PDZRN3: variants seen among roughly 807,000 people sequenced by gnomAD.
PDZRN3 encodes PDZ domain containing ring finger 3.
In PDZRN3, 38 loss-of-function variants were observed where a neutral mutation model predicts 85.7. The observed-to-expected ratio is 0.44, with a 90% CI of 0.34 to 0.58. The LOEUF is 0.58. Among genes scored for constraint, PDZRN3 ranks in the 20% least tolerant of loss-of-function variants. The probability of loss-of-function intolerance (pLI) is 0.01; values close to 1 mark genes in which losing one functional copy is unlikely to be tolerated. For synonymous variants in PDZRN3, 759 were observed against 638.0 expected (o/e 1.19, Z -2.86); for missense variants, 1,629 against 1,506.4 (o/e 1.08, Z -1.35).
chr3:73,496,686 ATAGT>A (rs1234063478), intron 3 of PDZRN3, among the ~76,000 whole-genome samples: 1 of 152,170 alleles, frequency 6.6e-6, no homozygotes, highest in Non-Finnish European at 1.5e-5. Context: ...AAGTCCTTTT[ATAGT>A]TAGTAATAAA....
chr3:73,618,006 T>C (rs940327394), intron 1 of PDZRN3, among the ~76,000 whole-genome samples: 2 of 152,194 alleles, frequency 1.3e-5, no homozygotes, highest in Non-Finnish European at 2.9e-5. Flanking sequence ...ATGCCCAGCC[T>C]AAATCTCTTT....
At chr3:73,438,125 G>A (rs1461175124) in intron 3 of PDZRN3, among the ~76,000 whole-genome samples, 3 of 152,176 alleles carry the variant, frequency 2.0e-5, no homozygotes, top group Non-Finnish European at 2.9e-5. Flanking sequence ...TGCACCATCA[G>A]ACGCCTGCCT....
At chr3:73,599,494 T>C (rs1037169033) in intron 3 of PDZRN3, among the ~76,000 whole-genome samples, 30 of 152,196 alleles carry the variant, frequency 2.0e-4, no homozygotes, top group South Asian at 2.1e-4. Flanking sequence ...GTTCTGGAGA[T>C]GGATGGTGGT....
chr3:73,492,416 G>C (rs1703788764), intron 3 of PDZRN3, among the ~76,000 whole-genome samples: 1 of 152,132 alleles, frequency 6.6e-6, no homozygotes, highest in Non-Finnish European at 1.5e-5. Flanking sequence ...GCCCTAGGGG[G>C]CATTTGAATT....
chr3:73,385,809 A>G (rs1701367918), intron 8 of PDZRN3, 24 bp from the exon 9 acceptor site: 1 of 1,293,260 alleles, frequency 7.7e-7, no homozygotes, highest in Non-Finnish European at 1.1e-6. Flanking sequence ...CAGCCAACAC[A>G]TGCCTTAGAA....
At chr3:73,450,063 C>T (rs1018537509) in intron 3 of PDZRN3, among the ~76,000 whole-genome samples, 2 of 152,186 alleles carry the variant, frequency 1.3e-5, no homozygotes, top group Non-Finnish European at 2.9e-5. Flanking sequence ...TCTCAGTTCT[C>T]TTTTTATTAA....
intron 3 of PDZRN3, among the ~76,000 whole-genome samples, chr3:73,432,456 T>C (rs1432319603): frequency 6.6e-6 from 1 of 152,142 alleles, no homozygotes; most frequent in African/African-American, 2.4e-5. Context: ...CTAAGGAGAG[T>C]AGCAAGCCTC....
At chr3:73,623,148 ATT>A (rs2106923878) in intron 1 of PDZRN3, among the ~76,000 whole-genome samples, 1 of 152,286 alleles carries the variant, frequency 6.6e-6, no homozygotes, top group African/African-American at 2.4e-5. Context: ...GTTAAAAATA[ATT>A]CTAGGTAACA....
intron 3 of PDZRN3, among the ~76,000 whole-genome samples, chr3:73,490,968 C>A (rs1041394803): frequency 1.3e-5 from 2 of 152,174 alleles, no homozygotes; most frequent in African/African-American, 4.8e-5. Context: ...GTTGAAACTG[C>A]AATATCAGGA....
At chr3:73,609,928 G>A (rs974867447) in intron 1 of PDZRN3, among the ~76,000 whole-genome samples, 1 of 152,126 alleles carries the variant, frequency 6.6e-6, no homozygotes, top group African/African-American at 2.4e-5. Context: ...GTGCAACTCT[G>A]GTTTCACATT....
At chr3:73,423,291 A>G (rs1007702580) in intron 3 of PDZRN3, among the ~76,000 whole-genome samples, 2 of 152,218 alleles carry the variant, frequency 1.3e-5, no homozygotes, top group African/African-American at 4.8e-5. Flanking sequence ...TGTCACTTCT[A>G]ATGTTATGTG....
intron 3 of PDZRN3, among the ~76,000 whole-genome samples, chr3:73,518,056 C>T (rs1447829387): frequency 6.6e-6 from 1 of 152,164 alleles, no homozygotes; most frequent in Non-Finnish European, 1.5e-5. Flanking sequence ...TATTTGGATG[C>T]CCACATTCAT....
chr3:73,449,801 C>T (rs1384048501), intron 3 of PDZRN3, among the ~76,000 whole-genome samples: 1 of 152,172 alleles, frequency 6.6e-6, no homozygotes, highest in African/African-American at 2.4e-5. Context: ...TATTGCCTCC[C>T]TTAAATTGAC....
intron 3 of PDZRN3, among the ~76,000 whole-genome samples, chr3:73,536,733 T>C (rs1004650883): frequency 2.6e-5 from 4 of 152,132 alleles, no homozygotes; most frequent in African/African-American, 9.7e-5. Flanking sequence ...GGTAGGTCTC[T>C]ACCCAAGGGA....
rs1475230378 is a variant in PDZRN3, at chr3:73,383,750, C to G, written c.2816G>C (p.Arg939Pro). The change falls in exon 10 of 10, where the codon CGG (arginine) becomes CCG (proline). Residue 939 changes from arginine to proline, a missense_variant. By Grantham distance (103) the Arg-to-Pro change is moderately radical. Coordinates refer to ENST00000263666, the MANE Select transcript of PDZRN3 (RefSeq NM_015009.3). ...GTRYITKRPV[R>P]DRLLRERALK... is the part of the protein sequence containing the mutation. ...GGCGCGCTCCCGCAGCAGGCGGTCC[C>G]GCACGGGCCTCTTGGTGATGTAGCG... 6.2e-7 allele frequency: 1 copy of G among 1,612,504 alleles called. No individual in the cohort carries two copies. Among genetic ancestry groups the G allele is most frequent in the Non-Finnish European group, 8.5e-7 (1 of 1,179,960 alleles).
intron 3 of PDZRN3, among the ~76,000 whole-genome samples, chr3:73,461,588 T>G (rs1703104828): frequency 6.6e-6 from 1 of 152,238 alleles, no homozygotes; most frequent in Non-Finnish European, 1.5e-5. Context: ...CAACAACAGT[T>G]GAAGTTCCTA....
At position 73,386,226 on chromosome 3, in the gene PDZRN3, C is replaced by CTTT. The variant is rs71126867; in HGVS notation, c.1519-444_1519-442dup. On this transcript the variant is annotated intron_variant, in intron 8 of 9. Transcript: ENST00000263666. Reference sequence around the variant, plus strand: ...GCTGTTTGGCTTGGGCAAGATATCACTTTTTTTTTTTTTTTTTTTGAGACA... The same window carrying CTTT: ...GCTGTTTGGCTTGGGCAAGATATCACTTTTTTTTTTTTTTTTTTTTTTGAGACA... Among the ~76,000 whole-genome samples the CTTT allele has an allele frequency of 5.1e-4, 46 of 90,708 alleles. 2 individuals carry two copies. The highest frequency in any genetic ancestry group is 9.0e-4 in the Admixed American group (6 of 6,648). 59.5% of individuals were successfully genotyped at this position (90,708 alleles called of 152,430 possible).
intron 3 of PDZRN3, among the ~76,000 whole-genome samples, chr3:73,443,054 C>T (rs1035036996): frequency 1.2e-4 from 19 of 152,274 alleles, no homozygotes; most frequent in Admixed American, 5.2e-4. Context: ...CGTGGGAATC[C>T]GGCTGCTCCC....
At chr3:73,615,219 C>T (rs1177929628) in intron 1 of PDZRN3, among the ~76,000 whole-genome samples, 1 of 152,134 alleles carries the variant, frequency 6.6e-6, no homozygotes, top group African/African-American at 2.4e-5. Context: ...TTAAAAAAGT[C>T]TGCTACTATA....
Sources: allele counts gnomAD v4.1 joint callset (sites outside exome capture counted in the v4.1 genomes callset), GRCh38; gene constraint gnomAD v4.1.1; transcripts MANE v1.5; gene names NCBI Gene and HGNC (gene_info 2026-07-23, HGNC 2026-07-21).